Variants in SLC24A3 observed in about 807,000 individuals in gnomAD.
The protein encoded by SLC24A3 is sodium/potassium/calcium exchanger 3.
SLC24A3 carries 28 observed loss-of-function variants against 75.8 expected under a neutral mutation model. That is an observed-to-expected ratio of 0.37 (90% CI 0.27 to 0.51). The LOEUF (loss-of-function observed/expected upper bound fraction) is 0.51. Among genes scored for constraint, SLC24A3 ranks in the 20% least tolerant of loss-of-function variants. SLC24A3 has a pLI of 0.94. For missense variants in SLC24A3, 663 were observed against 847.8 expected (o/e 0.78, Z 2.71); for synonymous variants, 372 against 334.1 (o/e 1.11, Z -1.24).
At chr20:19,606,676 G>C (rs1004128897) in intron 6 of SLC24A3, among the ~76,000 whole-genome samples, 1 of 152,188 alleles carries the variant, frequency 6.6e-6, no homozygotes, top group Non-Finnish European at 1.5e-5. Context: ...GGGACTTATA[G>C]GACTGAGAAT....
intron 2 of SLC24A3, among the ~76,000 whole-genome samples, chr20:19,391,153 A>G (rs1986357990): frequency 6.6e-6 from 1 of 152,222 alleles, no homozygotes; most frequent in Non-Finnish European, 1.5e-5. Flanking sequence ...GGTGTTTAAC[A>G]GATTCAAGGA....
At chr20:19,316,596 A>G (rs993098748) in intron 2 of SLC24A3, among the ~76,000 whole-genome samples, 6 of 152,246 alleles carry the variant, frequency 3.9e-5, no homozygotes, top group Admixed American at 3.3e-4. Context: ...AATGGGAGCC[A>G]TAAATCAGCC....
At chr20:19,696,722 T>C (rs2122141669) in intron 13 of SLC24A3, 75 bp from the exon 14 acceptor site, 1 of 966,130 alleles carries the variant, frequency 1.0e-6, no homozygotes. Context: ...CTGTTGTGAG[T>C]CTCCATCAGA....
At chr20:19,633,393 T>C (rs1282629739) in intron 6 of SLC24A3, among the ~76,000 whole-genome samples, 1 of 152,064 alleles carries the variant, frequency 6.6e-6, no homozygotes, top group Non-Finnish European at 1.5e-5. Context: ...CTCACGCCTG[T>C]AATCCCAGCA....
chr20:19,298,145 G>T (rs1177190053), intron 2 of SLC24A3, among the ~76,000 whole-genome samples: 3 of 152,252 alleles, frequency 2.0e-5, no homozygotes, highest in Non-Finnish European at 2.9e-5. Context: ...ATCAGAGAGA[G>T]AAAACAATTC....
At chr20:19,520,717 G>A (rs969765875) in intron 3 of SLC24A3, among the ~76,000 whole-genome samples, 2 of 146,550 alleles carry the variant, frequency 1.4e-5, no homozygotes, top group African/African-American at 2.5e-5. Context: ...AAGGTTGGTG[G>A]TCTCCCCTGT....
intron 2 of SLC24A3, among the ~76,000 whole-genome samples, chr20:19,438,472 G>A (rs752176702): frequency 7.2e-5 from 11 of 152,120 alleles, no homozygotes; most frequent in Non-Finnish European, 1.5e-4. Context: ...TACATGGTAG[G>A]TAGTGTGGAC....
At position 19,212,664 on chromosome 20, in the gene SLC24A3, A is replaced by C; in HGVS notation, c.-179A>C. ...GGCGATAGCGACGAGGAGGGCGACG[A>C]CGAGGAGACGGGCAGCGGCGAGGAG... On this transcript the variant is annotated 5_prime_UTR_variant, in exon 1 of 17. Transcript: ENST00000328041. The C allele has an allele frequency of 3.9e-6, 1 of 259,366 alleles. No individual in the cohort carries two copies. Among genetic ancestry groups the C allele is most frequent in the Non-Finnish European group, 6.0e-6 (1 of 168,064 alleles). 16.1% of individuals were successfully genotyped at this position (259,366 alleles called of 1,614,324 possible).
intron 2 of SLC24A3, among the ~76,000 whole-genome samples, chr20:19,502,485 A>G (rs138860478): frequency 6.6e-6 from 1 of 152,228 alleles, no homozygotes; most frequent in East Asian, 1.9e-4. Flanking sequence ...TGCTCCACTG[A>G]AAGCCTATAG....
intron 12 of SLC24A3, among the ~76,000 whole-genome samples, chr20:19,689,027 G>A (rs6035411): frequency 2.0e-4 from 31 of 151,950 alleles, no homozygotes; most frequent in African/African-American, 7.5e-4. Flanking sequence ...ACATATAAAC[G>A]TGCAGCTATT....
rs186277310 is a variant in SLC24A3, at chr20:19,335,336, A to G, written c.271+54249A>G. Among the ~76,000 whole-genome samples the G allele has an allele frequency of 6.6e-5, 10 of 152,228 alleles. No individual in the cohort carries two copies. The East Asian group carries it at 1.9e-3, about 29-fold the overall frequency. On this transcript the variant is annotated intron_variant, in intron 2 of 16. Transcript: ENST00000328041. Reference sequence around the variant, plus strand: ...GCTGGATGGGTTTCCAGCTTCTCTTAGCCCACAGATAGGACTTTGTGTGCT... The same window carrying G: ...GCTGGATGGGTTTCCAGCTTCTCTTGGCCCACAGATAGGACTTTGTGTGCT...
chr20:19,628,356 G>C (rs908299382), intron 6 of SLC24A3, among the ~76,000 whole-genome samples: 3 of 152,050 alleles, frequency 2.0e-5, no homozygotes, highest in African/African-American at 7.2e-5. Flanking sequence ...CCCCCATGGA[G>C]ACATTAACTT....
chr20:19,282,862 G>A (rs1020649564), intron 2 of SLC24A3, among the ~76,000 whole-genome samples: 23 of 152,156 alleles, frequency 1.5e-4, no homozygotes, highest in Admixed American at 3.3e-4. Flanking sequence ...GGGAAATACC[G>A]TTCTCAGAGT....
intron 4 of SLC24A3, among the ~76,000 whole-genome samples, 197 bp downstream of exon 4, chr20:19,580,271 ACT>A (rs1017512978): frequency 6.6e-5 from 10 of 151,770 alleles, no homozygotes; most frequent in African/African-American, 1.9e-4. Context: ...GCATTTCATG[ACT>A]CTGATCAATA....
chr20:19,693,188 A>G, intron 12 of SLC24A3, 71 bp from the exon 13 acceptor site: 1 of 1,502,056 alleles, frequency 6.7e-7, no homozygotes. Flanking sequence ...TGGCAGAGCA[A>G]AGAAATAAAG....
chr20:19,260,785 C>T (rs1338880928), intron 1 of SLC24A3, among the ~76,000 whole-genome samples: 1 of 152,230 alleles, frequency 6.6e-6, no homozygotes, highest in African/African-American at 2.4e-5. Context: ...AGGCATCATT[C>T]TCAGTATGAG....
At position 19,704,540 on chromosome 20, in the gene SLC24A3, C is replaced by T. The variant is rs6075562; in HGVS notation, c.1719+5860C>T. ...AGTGGGGAAGGATAGACAGTACATA[C>T]GTGAACAAATGCCTGATTGCACTAA... On this transcript the variant is annotated intron_variant, in intron 15 of 16. Coordinates refer to ENST00000328041, the MANE Select transcript of SLC24A3 (RefSeq NM_020689.4). Among the ~76,000 whole-genome samples the T allele has an allele frequency of 1.4e-3, 207 of 152,290 alleles. 1 individual carries two copies. The highest frequency in any genetic ancestry group is 3.4e-3 in the Middle Eastern group (1 of 294).
chr20:19,718,446 G>C (rs181869297), intron 16 of SLC24A3, among the ~76,000 whole-genome samples: 1 of 152,162 alleles, frequency 6.6e-6, no homozygotes, highest in African/African-American at 2.4e-5. Context: ...TTAATGTTTT[G>C]TATACATATC....
chr20:19,348,878 G>A (rs966079358), intron 2 of SLC24A3, among the ~76,000 whole-genome samples: 1 of 152,136 alleles, frequency 6.6e-6, no homozygotes, highest in African/African-American at 2.4e-5. Flanking sequence ...TTGTGTATCT[G>A]CTTCTTATAT....
Sources: gnomAD v4.1 joint callset for allele counts (sites outside exome capture counted in the v4.1 genomes callset) on GRCh38, gnomAD v4.1.1 for gene constraint, MANE v1.5 for transcripts, NCBI Gene and HGNC (gene_info 2026-07-23, HGNC 2026-07-21) for gene names.